E2F3: variants seen among roughly 807,000 people sequenced by gnomAD.
E2F3 encodes the protein transcription factor E2F3.
E2F3 carries 11 observed loss-of-function variants against 44.4 expected under a neutral mutation model. The ratio of observed to expected loss-of-function variants is 0.25; its 90% CI spans 0.16 to 0.41. E2F3 has a LOEUF of 0.41. Ranked by LOEUF, E2F3 falls within the 10% of genes least tolerant of loss-of-function variation. The pLI, the probability that E2F3 is intolerant of heterozygous loss-of-function variation, is 1.00. For synonymous variants in E2F3, 249 were observed against 253.0 expected (o/e 0.98, Z 0.15); for missense variants, 487 against 583.6 (o/e 0.83, Z 1.70).
chr6:20,411,303 G>A (rs940152824), intron 1 of E2F3, among the ~76,000 whole-genome samples: 5 of 152,108 alleles, frequency 3.3e-5, no homozygotes, highest in Non-Finnish European at 7.4e-5. Flanking sequence ...TGCCAGACTC[G>A]GAGCCCCTGC....
chr6:20,490,431 T>C lies in E2F3; in HGVS notation c.*1T>C, dbSNP rs773227029. The C allele has an allele frequency of 6.4e-7, 1 of 1,558,942 alleles. No individual in the cohort carries two copies. Among genetic ancestry groups the C allele is most frequent in the South Asian group, 1.2e-5 (1 of 82,022 alleles). ...GGTGGAAGACTTCATGTGTAGTTGATTATGCTTCGTGTGAACTCTCCTTAA... is the reference window on the plus strand; with the variant it reads ...GGTGGAAGACTTCATGTGTAGTTGACTATGCTTCGTGTGAACTCTCCTTAA... On this transcript the variant is annotated 3_prime_UTR_variant, in exon 7 of 7. Coordinates refer to ENST00000346618, the MANE Select transcript of E2F3 (RefSeq NM_001949.5). The surrounding 1 kb of genome is among the most constrained non-coding windows in gnomAD (Gnocchi z 4.3).
At chr6:20,451,459 C>T (rs1437621662) in intron 1 of E2F3, among the ~76,000 whole-genome samples, 1 of 152,174 alleles carries the variant, frequency 6.6e-6, no homozygotes, top group Non-Finnish European at 1.5e-5. Context: ...AGCTTTTGGG[C>T]TGAGACTATG....
rs935310197 is a variant in E2F3, at chr6:20,463,504, G to A, written c.394-16342G>A. Among the ~76,000 whole-genome samples the A allele has an allele frequency of 2.0e-5, 3 of 152,094 alleles. 1 individual carries two copies. Among genetic ancestry groups the A allele is most frequent in the African/African-American group, 7.2e-5 (3 of 41,412 alleles). Reference sequence around the variant, plus strand: ...TTGACATCATTTTATTCTGTTTGAGGCACTTCCTTTAATATTTTCTCTATT... The same window carrying A: ...TTGACATCATTTTATTCTGTTTGAGACACTTCCTTTAATATTTTCTCTATT... On this transcript the variant is annotated intron_variant, in intron 1 of 6. Coordinates refer to ENST00000346618, the MANE Select transcript of E2F3 (RefSeq NM_001949.5).
Position 20,402,845 on chromosome 6 carries a change from T to G in E2F3, c.393+220T>G, listed in dbSNP as rs974340575. On this transcript the variant is annotated intron_variant, in intron 1 of 6. Coordinates refer to ENST00000346618, the MANE Select transcript of E2F3 (RefSeq NM_001949.5). This position sits in a 1 kb window ranked among gnomAD's most constrained non-coding sequence, Gnocchi z 5.6. ...GGCCAGGCGCGCGGGGCGGCGGGGA[T>G]TGCCTTGGCGCGAACCACATCAAAC... Among the ~76,000 whole-genome samples, 2 of 151,962 alleles carry G rather than the reference T, an allele frequency of 1.3e-5. No individual in the cohort carries two copies. Among genetic ancestry groups the G allele is most frequent in the Admixed American group, 6.5e-5 (1 of 15,278 alleles).
At chr6:20,477,885 C>T (rs1762097331) in intron 1 of E2F3, among the ~76,000 whole-genome samples, 1 of 152,050 alleles carries the variant, frequency 6.6e-6, no homozygotes, top group Non-Finnish European at 1.5e-5. Flanking sequence ...AAGAAGAAAA[C>T]CCACATATAG....
intron 4 of E2F3, among the ~76,000 whole-genome samples, chr6:20,486,418 G>A (rs547171740): frequency 5.9e-5 from 9 of 152,206 alleles, no homozygotes; most frequent in Admixed American, 1.3e-4. Context: ...GACTACAGGC[G>A]CCCGCCACCA....
chr6:20,422,944 G>A (rs759755979), intron 1 of E2F3, among the ~76,000 whole-genome samples: 1 of 152,174 alleles, frequency 6.6e-6, no homozygotes, highest in Non-Finnish European at 1.5e-5. Context: ...AAGCACTGTT[G>A]GAAAAATGGT....
At chr6:20,488,384 C>A in intron 6 of E2F3, 136 bp downstream of exon 6, 2 of 1,087,876 alleles carry the variant, frequency 1.8e-6, no homozygotes, top group African/African-American at 1.7e-5. Context: ...AAAAGACATT[C>A]TGACTGGTTT....
chr6:20,403,219 T>C (rs1581558071), intron 1 of E2F3, among the ~76,000 whole-genome samples: 1 of 114,570 alleles, frequency 8.7e-6, no homozygotes, highest in Non-Finnish European at 1.8e-5. Context: ...TGGAGGGGAG[T>C]CGGGCGTGGG....
At chr6:20,421,481 T>C (rs1760025511) in intron 1 of E2F3, 1 of 152,354 alleles carries the variant, frequency 6.6e-6, no homozygotes, top group Admixed American at 6.5e-5. Flanking sequence ...AACATTAATC[T>C]CCTTGTACAT....
intron 1 of E2F3, among the ~76,000 whole-genome samples, chr6:20,438,385 T>C (rs1241623575): frequency 6.6e-6 from 1 of 152,214 alleles, no homozygotes; most frequent in East Asian, 1.9e-4. Context: ...CCCATCAGAT[T>C]TTTTTCTGTT....
chr6:20,441,687 G>A (rs1490660016), intron 1 of E2F3, among the ~76,000 whole-genome samples: 1 of 150,520 alleles, frequency 6.6e-6, no homozygotes, highest in Non-Finnish European at 1.5e-5. Flanking sequence ...CGATTCTTCT[G>A]CCTCAACCTC....
At chr6:20,414,257 C>T (rs544874044) in intron 1 of E2F3, among the ~76,000 whole-genome samples, 4 of 152,106 alleles carry the variant, frequency 2.6e-5, no homozygotes, top group Non-Finnish European at 4.4e-5. Context: ...TTTTGGGGAT[C>T]GATGCTGTCA....
At chr6:20,416,061 T>C (rs1177690441) in intron 1 of E2F3, among the ~76,000 whole-genome samples, 2 of 152,228 alleles carry the variant, frequency 1.3e-5, no homozygotes, top group African/African-American at 2.4e-5. Flanking sequence ...ATCATGGTTC[T>C]TACCTCACAG....
chr6:20,415,350 T>G (rs1759810136), intron 1 of E2F3, among the ~76,000 whole-genome samples: 1 of 152,210 alleles, frequency 6.6e-6, no homozygotes, highest in Admixed American at 6.5e-5. Context: ...AGTTTTAAAC[T>G]AGAACAGGAC....
At chr6:20,451,572 T>C (rs1238932530) in intron 1 of E2F3, among the ~76,000 whole-genome samples, 6 of 152,180 alleles carry the variant, frequency 3.9e-5, no homozygotes, top group Non-Finnish European at 4.4e-5. Context: ...GACTGATTGC[T>C]CTGGCCAGGG....
At chr6:20,453,099 G>A (rs1761187423) in intron 1 of E2F3, among the ~76,000 whole-genome samples, 1 of 151,948 alleles carries the variant, frequency 6.6e-6, no homozygotes, top group Non-Finnish European at 1.5e-5. Flanking sequence ...GATTTGTAAG[G>A]GCTCTTTATA....
At position 20,460,996 on chromosome 6, in the gene E2F3, CAAAAAAAAAAA is replaced by C. The variant is rs61306918; in HGVS notation, c.394-18832_394-18822del. On this transcript the variant is annotated intron_variant, in intron 1 of 6. Coordinates refer to ENST00000346618, the MANE Select transcript of E2F3 (RefSeq NM_001949.5). ...GGGAGACAGAGCAAGACTCTATCTC[CAAAAAAAAAAA>C]AAAAAAAAAAAAAAAAAGCCATGTA... Among the ~76,000 whole-genome samples the C allele has an allele frequency of 4.4e-3, 247 of 55,512 alleles. 1 individual carries two copies. Among genetic ancestry groups the C allele is most frequent in the African/African-American group, 0.018 (234 of 13,282 alleles). The allele number at this position is 55,512 out of a possible 152,430, so 36.4% of individuals were successfully genotyped here.
At chr6:20,458,558 T>G (rs745767984) in intron 1 of E2F3, among the ~76,000 whole-genome samples, 6 of 152,150 alleles carry the variant, frequency 3.9e-5, no homozygotes, top group Non-Finnish European at 7.4e-5. Flanking sequence ...TCTTGGTTGT[T>G]TTTAAGAAAA....
Sources: allele counts gnomAD v4.1 joint callset (sites outside exome capture counted in the v4.1 genomes callset), GRCh38; gene constraint gnomAD v4.1.1; non-coding constraint Gnocchi (gnomAD v3.1); transcripts MANE v1.5; gene names NCBI Gene and HGNC (gene_info 2026-07-23, HGNC 2026-07-21).